Variants in AGBL4 observed in about 807,000 individuals in gnomAD.
AGBL4 encodes the protein cytosolic carboxypeptidase 6.
AGBL4 carries 58 observed loss-of-function variants against 66.4 expected under a neutral mutation model. The ratio of observed to expected loss-of-function variants is 0.87; its 90% CI spans 0.71 to 1.09. The LOEUF is 1.09. Ranked by LOEUF, AGBL4 falls within the 50% of genes least tolerant of loss-of-function variation. AGBL4 has a pLI of 0.00. For missense variants in AGBL4, 579 were observed against 631.0 expected (o/e 0.92, Z 0.88); for synonymous variants, 234 against 222.9 (o/e 1.05, Z -0.44).
intron 4 of AGBL4, among the ~76,000 whole-genome samples, chr1:49,202,187 T>C (rs1296477577): frequency 6.6e-6 from 1 of 152,172 alleles, no homozygotes; most frequent in East Asian, 1.9e-4. Context: ...GATGTTCAAT[T>C]GAAATGAGAA....
intron 5 of AGBL4, among the ~76,000 whole-genome samples, chr1:49,008,402 A>G (rs1301690500): frequency 2.0e-5 from 3 of 151,622 alleles, no homozygotes; most frequent in Non-Finnish European, 4.4e-5. Context: ...TTGCAAAGAG[A>G]CTTAGACTCC....
chr1:49,868,312 A>G (rs1646755926), intron 1 of AGBL4, among the ~76,000 whole-genome samples: 2 of 152,334 alleles, frequency 1.3e-5, no homozygotes, highest in South Asian at 4.1e-4. Context: ...AAGGGCCCAT[A>G]TAGCCAAGAC....
intron 6 of AGBL4, among the ~76,000 whole-genome samples, chr1:48,759,936 A>G (rs1219981949): frequency 6.6e-6 from 1 of 152,204 alleles, no homozygotes; most frequent in Non-Finnish European, 1.5e-5. Context: ...ACTCAACTGA[A>G]AAGTTCAAAG....
intron 3 of AGBL4, among the ~76,000 whole-genome samples, chr1:49,587,943 A>C (rs1328020701): frequency 6.6e-6 from 1 of 152,136 alleles, no homozygotes. Flanking sequence ...AAAATAGGAA[A>C]GATCTTGCTA....
Position 49,667,431 on chromosome 1 carries a change from C to T in AGBL4, c.282+29882G>A, listed in dbSNP as rs2124512789. 1.3e-5 allele frequency among the ~76,000 whole-genome samples: 2 copies of T among 151,950 alleles called. 1 individual carries two copies. The highest frequency in any genetic ancestry group is 1.3e-4 in the Admixed American group (2 of 15,262). Reference sequence around the variant, plus strand: ...TGTGATTGCACACCTGCACTCTAGCCTGGCCAACAAAATGAGACCCTGTCT... The same window carrying T: ...TGTGATTGCACACCTGCACTCTAGCTTGGCCAACAAAATGAGACCCTGTCT... On this transcript the variant is annotated intron_variant, in intron 3 of 13. Transcript: ENST00000371839.
At position 48,835,682 on chromosome 1, in the gene AGBL4, C is replaced by A. The variant is rs568545428; in HGVS notation, c.634+31509G>T. 5.9e-5 allele frequency among the ~76,000 whole-genome samples: 9 copies of A among 152,222 alleles called. No homozygotes were observed. In the South Asian group the frequency reaches 1.0e-3, roughly 18 times the overall value. The stretch of plus-strand genomic sequence containing the variant: ...CCTCTGCCAATTCTAAATATACAAT[C>A]AAAAATAATCTAACTAAAAACAATT... On this transcript the variant is annotated intron_variant, in intron 6 of 13. Transcript: ENST00000371839.
intron 3 of AGBL4, among the ~76,000 whole-genome samples, chr1:49,652,071 G>C (rs960157790): frequency 6.6e-6 from 1 of 152,068 alleles, no homozygotes; most frequent in Non-Finnish European, 1.5e-5. Flanking sequence ...TTCAGCAATA[G>C]GCTAGACCAA....
intron 2 of AGBL4, among the ~76,000 whole-genome samples, chr1:49,782,919 A>G (rs945134247): frequency 6.6e-6 from 1 of 152,256 alleles, no homozygotes; most frequent in Admixed American, 6.5e-5. Context: ...GTTTATTGCA[A>G]ATTATTCAGT....
At chr1:49,110,912 C>T (rs968655086) in intron 4 of AGBL4, among the ~76,000 whole-genome samples, 6 of 152,054 alleles carry the variant, frequency 3.9e-5, no homozygotes, top group African/African-American at 1.2e-4. Flanking sequence ...CAACCTCAAA[C>T]GATGGAAATT....
At chr1:49,647,759 C>T (rs1416592940) in intron 3 of AGBL4, among the ~76,000 whole-genome samples, 1 of 151,900 alleles carries the variant, frequency 6.6e-6, no homozygotes, top group Non-Finnish European at 1.5e-5. Flanking sequence ...AAGGGGAATA[C>T]CCACCTCCAG....
At chr1:49,098,679 AG>A (rs1163542404) in intron 4 of AGBL4, among the ~76,000 whole-genome samples, 1 of 152,146 alleles carries the variant, frequency 6.6e-6, no homozygotes, top group Non-Finnish European at 1.5e-5. Flanking sequence ...TAATGACATG[AG>A]GGTGGTCAGA....
At chr1:49,734,848 T>G (rs1022626959) in intron 2 of AGBL4, among the ~76,000 whole-genome samples, 1 of 151,152 alleles carries the variant, frequency 6.6e-6, no homozygotes, top group Non-Finnish European at 1.5e-5. Flanking sequence ...GGGAAACTTA[T>G]ATTATTTTAT....
At chr1:48,710,042 G>A (rs1255665777) in intron 6 of AGBL4, among the ~76,000 whole-genome samples, 1 of 152,220 alleles carries the variant, frequency 6.6e-6, no homozygotes, top group Non-Finnish European at 1.5e-5. Context: ...ATGTTGCCAA[G>A]GTCAAATAGC....
chr1:48,549,051 A>G (rs1359669681), intron 11 of AGBL4, among the ~76,000 whole-genome samples: 1 of 152,016 alleles, frequency 6.6e-6, no homozygotes, highest in Non-Finnish European at 1.5e-5. Context: ...TTGAATTCCT[A>G]CCTGCTCCCT....
intron 3 of AGBL4, among the ~76,000 whole-genome samples, chr1:49,552,345 C>A (rs968849075): frequency 5.9e-5 from 9 of 152,172 alleles, no homozygotes; most frequent in African/African-American, 2.2e-4. Flanking sequence ...CAAATTGTTA[C>A]AAAGTTCAGC....
At chr1:48,627,941 G>A (rs555319352) in intron 9 of AGBL4, among the ~76,000 whole-genome samples, 3 of 152,184 alleles carry the variant, frequency 2.0e-5, no homozygotes, top group South Asian at 4.2e-4. Context: ...TTCTTACCTC[G>A]GCTATGGCAG....
chr1:49,468,691 T>G (rs1557969185), intron 3 of AGBL4, among the ~76,000 whole-genome samples: 1 of 151,866 alleles, frequency 6.6e-6, no homozygotes, highest in Admixed American at 6.6e-5. Context: ...ATGTATTTCA[T>G]CTTCACATCA....
At chr1:49,086,003 A>G (rs568678552) in intron 4 of AGBL4, among the ~76,000 whole-genome samples, 1 of 152,234 alleles carries the variant, frequency 6.6e-6, no homozygotes, top group Non-Finnish European at 1.5e-5. Flanking sequence ...CCTTTGTTAG[A>G]CAAGGTTTGG....
intron 6 of AGBL4, among the ~76,000 whole-genome samples, chr1:48,858,510 T>G (rs1647240913): frequency 6.6e-6 from 1 of 152,234 alleles, no homozygotes; most frequent in African/African-American, 2.4e-5. Context: ...GAATGAAGTA[T>G]GCTGATACAT....
Sources: allele counts gnomAD v4.1 joint callset (sites outside exome capture counted in the v4.1 genomes callset), GRCh38; gene constraint gnomAD v4.1.1; transcripts MANE v1.5; gene names NCBI Gene and HGNC (gene_info 2026-07-23, HGNC 2026-07-21).